Variants in PAMR1 observed in about 807,000 individuals in gnomAD.
PAMR1 encodes the protein inactive serine protease PAMR1.
PAMR1 carries 88 observed loss-of-function variants against 81.8 expected under a neutral mutation model. The ratio of observed to expected loss-of-function variants is 1.08; its 90% CI spans 0.91 to 1.28. The LOEUF is 1.28. Among genes scored for constraint, PAMR1 ranks in the 50% most tolerant of loss-of-function variants. The pLI, the probability that PAMR1 is intolerant of heterozygous loss-of-function variation, is 0.00. For missense variants in PAMR1, 935 were observed against 919.7 expected (o/e 1.02, Z -0.21); for synonymous variants, 336 against 345.3 (o/e 0.97, Z 0.30).
chr11:35,509,706 A>C (rs1851038046), intron 1 of PAMR1, among the ~76,000 whole-genome samples: 1 of 152,174 alleles, frequency 6.6e-6, no homozygotes, highest in African/African-American at 2.4e-5. Context: ...AAACAAAGAG[A>C]AATACCAAAG....
chr11:35,508,826 T>C (rs1851023770), intron 1 of PAMR1, among the ~76,000 whole-genome samples: 1 of 152,146 alleles, frequency 6.6e-6, no homozygotes, highest in African/African-American at 2.4e-5. Flanking sequence ...CTTGTGTTAG[T>C]TGACTTAGGA....
chr11:35,441,110 A>G (rs904310953), intron 7 of PAMR1, among the ~76,000 whole-genome samples: 3 of 152,158 alleles, frequency 2.0e-5, no homozygotes, highest in Non-Finnish European at 2.9e-5. Context: ...TATTTCTCAC[A>G]TCAACTTAAT....
chr11:35,483,118 G>C (rs189671425), intron 3 of PAMR1, among the ~76,000 whole-genome samples: 1 of 152,136 alleles, frequency 6.6e-6, no homozygotes, highest in Non-Finnish European at 1.5e-5. Flanking sequence ...TATTAGGCTG[G>C]TGGGAGAACT....
chr11:35,523,476 T>G (rs1423211436), intron 1 of PAMR1, among the ~76,000 whole-genome samples: 4 of 152,244 alleles, frequency 2.6e-5, no homozygotes, highest in Admixed American at 2.6e-4. Context: ...CTCATTCTGT[T>G]TATGTTGGGT....
At chr11:35,499,451 G>A (rs1357291284) in intron 1 of PAMR1, among the ~76,000 whole-genome samples, 1 of 152,122 alleles carries the variant, frequency 6.6e-6, no homozygotes, top group Non-Finnish European at 1.5e-5. Context: ...ACTCAAGGGA[G>A]GACACCAACA....
intron 1 of PAMR1, among the ~76,000 whole-genome samples, chr11:35,519,020 GAGACAGCCAGAACCTCA>G (rs1402930784): frequency 2.0e-5 from 3 of 152,286 alleles, no homozygotes; most frequent in Non-Finnish European, 4.4e-5. Flanking sequence ...TCAACCCTCT[GAGACAGCCAGAACCTCA>G]GAGAGGGCAA....
In PAMR1 at chr11:35,514,336, C is replaced by A. The variant is rs182573459; in HGVS notation, c.73+11177G>T. Among the ~76,000 whole-genome samples, 11 of 152,304 alleles carry A rather than the reference C, an allele frequency of 7.2e-5. No individual in the cohort carries two copies. In the East Asian group the frequency reaches 2.1e-3, roughly 29 times the overall value. On this transcript the variant is annotated intron_variant, in intron 1 of 10. Coordinates refer to ENST00000619888, the MANE Select transcript of PAMR1 (RefSeq NM_001001991.3). ...GAGATGTAATGTCTCCTCCAGGGGC[C>A]CACACATACATGGCCTTTTCAAGCA...
intron 1 of PAMR1, among the ~76,000 whole-genome samples, chr11:35,506,884 T>C (rs1244473859): frequency 2.6e-5 from 4 of 151,632 alleles, no homozygotes; most frequent in Non-Finnish European, 5.9e-5. Context: ...TCTTTTTTTT[T>C]TTTTTGAATA....
rs1856834534 is a variant in PAMR1, at chr11:35,470,586, C to T, written c.712+15G>A. ...GCAAGCCATAAAATGCCACATTTGTCTCCTTGGCCTTTACCTGTGATCTCC... is the reference window on the plus strand; with the variant it reads ...GCAAGCCATAAAATGCCACATTTGTTTCCTTGGCCTTTACCTGTGATCTCC... On this transcript the variant is annotated intron_variant, in intron 5 of 10. Coordinates refer to ENST00000619888, the MANE Select transcript of PAMR1 (RefSeq NM_001001991.3). The T allele has an allele frequency of 6.2e-7, 1 of 1,601,044 alleles. No homozygotes were observed. The highest frequency in any genetic ancestry group is 8.6e-7 in the Non-Finnish European group (1 of 1,168,210).
chr11:35,477,816 C>T (rs993871195), intron 3 of PAMR1, among the ~76,000 whole-genome samples: 9 of 152,104 alleles, frequency 5.9e-5, no homozygotes, highest in Admixed American at 6.5e-5. Context: ...CATTTTGAAA[C>T]GGCAGAATTT....
At chr11:35,511,228 G>A (rs1035464951) in intron 1 of PAMR1, among the ~76,000 whole-genome samples, 4 of 152,206 alleles carry the variant, frequency 2.6e-5, no homozygotes, top group Non-Finnish European at 5.9e-5. Context: ...CGTTTCTACT[G>A]CTGATAGATG....
At chr11:35,529,733 C>T (rs986349449), upstream of PAMR1, among the ~76,000 whole-genome samples, 2 of 152,058 alleles carry the variant, frequency 1.3e-5, no homozygotes, top group Non-Finnish European at 1.5e-5. Context: ...CTGCTTGCTT[C>T]GGGGAGAATA....
At chr11:35,500,232 G>A (rs759025440) in intron 1 of PAMR1, among the ~76,000 whole-genome samples, 25 of 152,108 alleles carry the variant, frequency 1.6e-4, no homozygotes, top group Non-Finnish European at 3.1e-4. Context: ...GTATCAGTAG[G>A]GGACTAACAT....
intron 3 of PAMR1, among the ~76,000 whole-genome samples, chr11:35,491,288 C>G (rs1004053923): frequency 9.9e-5 from 15 of 152,130 alleles, no homozygotes; most frequent in African/African-American, 3.6e-4. Context: ...TCAAAGATAC[C>G]AACCACACTC....
chr11:35,487,082 C>G (rs1357008874), intron 3 of PAMR1, among the ~76,000 whole-genome samples: 3 of 152,064 alleles, frequency 2.0e-5, no homozygotes, highest in Non-Finnish European at 4.4e-5. Context: ...GGTTGCTGTC[C>G]CTTCTGCCTA....
chr11:35,500,746 A>G (rs1013483452), intron 1 of PAMR1, among the ~76,000 whole-genome samples: 9 of 152,256 alleles, frequency 5.9e-5, no homozygotes, highest in African/African-American at 1.9e-4. Flanking sequence ...CACAAATCTA[A>G]GTGGCATAGC....
At chr11:35,487,714 AAAACGG>A (rs1256265424) in intron 3 of PAMR1, among the ~76,000 whole-genome samples, 1 of 152,222 alleles carries the variant, frequency 6.6e-6, no homozygotes, top group African/African-American at 2.4e-5. Flanking sequence ...CTTCCCAGAG[AAAACGG>A]GAGAACTCAC....
intron 1 of PAMR1, among the ~76,000 whole-genome samples, chr11:35,513,010 G>A (rs1851100626): frequency 6.6e-6 from 1 of 152,072 alleles, no homozygotes; most frequent in Non-Finnish European, 1.5e-5. Context: ...ATAAATAAAG[G>A]AAAGTGGCGA....
At chr11:35,501,451 C>T (rs1850839892) in intron 1 of PAMR1, among the ~76,000 whole-genome samples, 1 of 152,048 alleles carries the variant, frequency 6.6e-6, no homozygotes, top group Admixed American at 6.6e-5. Context: ...TTTTAGTGTT[C>T]ACTTTTTGAG....
Sources: gnomAD v4.1 joint callset for allele counts (sites outside exome capture counted in the v4.1 genomes callset) on GRCh38, gnomAD v4.1.1 for gene constraint, MANE v1.5 for transcripts, NCBI Gene and HGNC (gene_info 2026-07-23, HGNC 2026-07-21) for gene names.